PPP1R42: variants seen among roughly 807,000 people sequenced by gnomAD.
PPP1R42 encodes protein phosphatase 1 regulatory subunit 42, also known as leucine rich repeat containing 67.
PPP1R42 carries 34 observed loss-of-function variants against 31.0 expected under a neutral mutation model. That is an observed-to-expected ratio of 1.10 (90% CI 0.83 to 1.46). The LOEUF (loss-of-function observed/expected upper bound fraction) is 1.46. Among genes scored for constraint, PPP1R42 ranks in the 40% most tolerant of loss-of-function variants. The pLI is 0.00. For missense variants in PPP1R42, 268 were observed against 303.0 expected (o/e 0.88, Z 0.86); for synonymous variants, 103 against 109.8 (o/e 0.94, Z 0.39).
At chr8:67,013,698 T>C (rs6987597) in intron 3 of PPP1R42, among the ~76,000 whole-genome samples, 18,719 of 152,064 alleles carry the variant, frequency 0.12, 2,255 homozygotes, top group African/African-American at 0.31. Context: ...CCAGCCTGGG[T>C]GACAGAGCGA....
intron 5 of PPP1R42, among the ~76,000 whole-genome samples, chr8:66,991,115 A>G (rs1302732163): frequency 2.0e-5 from 3 of 152,198 alleles, no homozygotes; most frequent in African/African-American, 7.2e-5. Context: ...TTTGAGATGA[A>G]CTTTTCAGAT....
chr8:66,994,368 C>G (rs986932638), intron 5 of PPP1R42, among the ~76,000 whole-genome samples: 1 of 152,192 alleles, frequency 6.6e-6, no homozygotes, highest in Admixed American at 6.5e-5. Context: ...AAACCCAGTT[C>G]TCTCTTTTCT....
intron 7 of PPP1R42, among the ~76,000 whole-genome samples, chr8:66,974,112 AT>A (rs143283105): frequency 0.035 from 5,343 of 152,242 alleles, 192 homozygotes; most frequent in African/African-American, 0.08. Flanking sequence ...CATAAGTGGG[AT>A]TGTTGGGTCA....
chr8:66,991,497 C>T (rs1815187283), intron 5 of PPP1R42, among the ~76,000 whole-genome samples: 1 of 152,174 alleles, frequency 6.6e-6, no homozygotes, highest in African/African-American at 2.4e-5. Flanking sequence ...ATTGTTTGGC[C>T]TAAAACCTCT....
intron 6 of PPP1R42, chr8:66,984,465 C>T: frequency 7.8e-7 from 1 of 1,284,430 alleles, no homozygotes; most frequent in East Asian, 2.3e-5. Flanking sequence ...TGTGCAGTAA[C>T]ACCACTCCTA....
chr8:67,017,769 C>G lies in PPP1R42; in HGVS notation c.-22G>C, dbSNP rs771538345. Reference sequence around the variant, plus strand: ...CCATAATTTCTTTATAAATCAAACTCTCAGCAAAAGCTCTGTTTTGACACC... The same window carrying G: ...CCATAATTTCTTTATAAATCAAACTGTCAGCAAAAGCTCTGTTTTGACACC... On this transcript the variant is annotated 5_prime_UTR_variant, in exon 2 of 8. Coordinates refer to ENST00000685739, the MANE Select transcript of PPP1R42 (RefSeq NM_001364910.1). The G allele has an allele frequency of 3.2e-6, 5 of 1,560,318 alleles. No homozygotes were observed. Among genetic ancestry groups the G allele is most frequent in the African/African-American group, 2.8e-5 (2 of 72,702 alleles).
At chr8:67,015,624 G>C (rs1318790973) in intron 2 of PPP1R42, among the ~76,000 whole-genome samples, 4 of 149,006 alleles carry the variant, frequency 2.7e-5, no homozygotes, top group Non-Finnish European at 5.9e-5. Context: ...TTTGAAACAG[G>C]GTCTGCCCAG....
At chr8:66,982,003 T>C in intron 7 of PPP1R42, 46 bp downstream of exon 7, 1 of 1,302,060 alleles carries the variant, frequency 7.7e-7, no homozygotes, top group Non-Finnish European at 9.7e-7. Context: ...CTAGAATATT[T>C]CCTTTGCTAG....
chr8:67,019,165 T>C (rs886586445), intron 1 of PPP1R42, among the ~76,000 whole-genome samples: 8 of 146,840 alleles, frequency 5.4e-5, no homozygotes, highest in Non-Finnish European at 9.0e-5. Context: ...ACTCCTGGGC[T>C]CAAGTGCTCC....
chr8:67,008,365 G>A (rs1232028558), intron 5 of PPP1R42, among the ~76,000 whole-genome samples: 2 of 152,060 alleles, frequency 1.3e-5, no homozygotes, highest in Admixed American at 6.6e-5. Flanking sequence ...AACTTGATGG[G>A]GAGGTTCAGG....
chr8:66,969,928 A>C (rs551117361), intron 7 of PPP1R42, among the ~76,000 whole-genome samples: 1 of 152,272 alleles, frequency 6.6e-6, no homozygotes, highest in Non-Finnish European at 1.5e-5. Flanking sequence ...AATTTATAAG[A>C]TGTATTAGGA....
intron 5 of PPP1R42, 105 bp from the exon 6 acceptor site, chr8:66,988,622 C>T: frequency 9.7e-7 from 1 of 1,026,662 alleles, no homozygotes; most frequent in Non-Finnish European, 1.4e-6. Flanking sequence ...TCATGGAGTT[C>T]TAGCTCAGAG....
intron 3 of PPP1R42, 117 bp from the exon 4 acceptor site, chr8:67,013,213 T>C (rs1215111066): frequency 3.9e-6 from 3 of 763,088 alleles, no homozygotes; most frequent in Non-Finnish European, 6.0e-6. Flanking sequence ...AAATGTGGAA[T>C]GTTGTGTTAT....
chr8:67,015,377 T>G (rs948210097), intron 2 of PPP1R42, among the ~76,000 whole-genome samples: 5 of 152,190 alleles, frequency 3.3e-5, no homozygotes, highest in Admixed American at 2.0e-4. Context: ...GTAGAACCAT[T>G]AAATATCCTT....
chr8:66,974,676 A>C (rs986192034), intron 7 of PPP1R42, among the ~76,000 whole-genome samples: 8 of 152,158 alleles, frequency 5.3e-5, no homozygotes, highest in African/African-American at 1.4e-4. Context: ...GGCCATTTGT[A>C]TGTCTTCTTT....
chr8:67,007,677 G>A (rs371529552), intron 5 of PPP1R42, among the ~76,000 whole-genome samples: 211 of 152,286 alleles, frequency 1.4e-3, no homozygotes, highest in African/African-American at 4.8e-3. Context: ...TGAGTATCAT[G>A]ATGAAATCTT....
At chr8:66,989,976 C>T (rs1318709770) in intron 5 of PPP1R42, among the ~76,000 whole-genome samples, 1 of 152,186 alleles carries the variant, frequency 6.6e-6, no homozygotes, top group African/African-American at 2.4e-5. Flanking sequence ...TTTTTGTCAA[C>T]AGAGAGCGAA....
At chr8:66,971,465 T>A (rs1814536982) in intron 7 of PPP1R42, among the ~76,000 whole-genome samples, 1 of 152,194 alleles carries the variant, frequency 6.6e-6, no homozygotes, top group African/African-American at 2.4e-5. Context: ...TAATCGTGTA[T>A]CGTTTTGGGG....
At chr8:66,987,848 G>A (rs1221468271) in intron 6 of PPP1R42, among the ~76,000 whole-genome samples, 1 of 152,152 alleles carries the variant, frequency 6.6e-6, no homozygotes, top group Non-Finnish European at 1.5e-5. Flanking sequence ...TTCTGATGCT[G>A]TGTCACTTGG....
Sources: allele counts gnomAD v4.1 joint callset (sites outside exome capture counted in the v4.1 genomes callset), GRCh38; gene constraint gnomAD v4.1.1; transcripts MANE v1.5; gene names NCBI Gene and HGNC (gene_info 2026-07-23, HGNC 2026-07-21).